Variants in CTNND2 observed in about 807,000 individuals in gnomAD.
CTNND2 encodes catenin delta 2, also known as catenin delta-2.
Under a neutral mutation model 144.4 loss-of-function variants are expected in CTNND2, and 22 were observed. The ratio of observed to expected loss-of-function variants is 0.15; its 90% CI spans 0.11 to 0.22. The LOEUF is 0.22. Among genes scored for constraint, CTNND2 ranks in the 10% least tolerant of loss-of-function variants. CTNND2 has a pLI of 1.00. For missense variants in CTNND2, 1,353 were observed against 1,618.8 expected, an observed-to-expected ratio of 0.84 and a Z score of 2.82; for synonymous variants, 751 against 695.6, an observed-to-expected ratio of 1.08 and a Z score of -1.25.
chr5:11,864,879 CTT>C (rs1795675333), intron 1 of CTNND2, among the ~76,000 whole-genome samples: 5 of 124,002 alleles, frequency 4.0e-5, no homozygotes, highest in South Asian at 5.3e-4. Context: ...TGTTCTTCTT[CTT>C]CCTTTTTTTT....
intron 2 of CTNND2, among the ~76,000 whole-genome samples, chr5:11,634,113 C>T (rs1296288128): frequency 6.6e-6 from 1 of 152,206 alleles, no homozygotes; most frequent in Non-Finnish European, 1.5e-5. Flanking sequence ...TTCCCCAACT[C>T]TTGAGCATTT....
intron 10 of CTNND2, among the ~76,000 whole-genome samples, chr5:11,226,126 G>C (rs1391881069): frequency 6.6e-6 from 1 of 152,190 alleles, no homozygotes; most frequent in African/African-American, 2.4e-5. Flanking sequence ...AGCATCGTGA[G>C]AGAACAGATT....
intron 2 of CTNND2, among the ~76,000 whole-genome samples, chr5:11,693,836 G>A (rs867628816): frequency 6.6e-6 from 1 of 152,148 alleles, no homozygotes; most frequent in Non-Finnish European, 1.5e-5. Flanking sequence ...CTGAGCTATC[G>A]CTCCTAGGAG....
chr5:11,429,902 T>C (rs927519335), intron 3 of CTNND2, among the ~76,000 whole-genome samples: 10 of 152,172 alleles, frequency 6.6e-5, no homozygotes, highest in African/African-American at 1.9e-4. Context: ...AAAACAAATG[T>C]AATTTTTGTT....
In CTNND2 at chr5:10,981,838, T is replaced by C. The variant is rs1325411951; in HGVS notation, c.3352A>G (p.Thr1118Ala). ...SRKDAMTAQN[T>A]GISTLYRNSY... ...TTCCTATACAAAGTTGAAATTCCAG[T>C]GTTTTGAGCTAAAAGCAAAAGGAAA... is the stretch of plus-strand genomic sequence containing the variant. The change falls in exon 21 of 22, where the codon ACT (threonine) becomes GCT (alanine). Residue 1118 changes from threonine to alanine, a missense_variant. Transcript: ENST00000304623. 1.2e-6 allele frequency: 2 copies of C among 1,613,628 alleles called. No individual in the cohort carries two copies. The highest frequency in any genetic ancestry group is 1.6e-4 in the Middle Eastern group (1 of 6,062).
intron 5 of CTNND2, among the ~76,000 whole-genome samples, chr5:11,399,065 G>A (rs756478224): frequency 4.6e-5 from 7 of 152,212 alleles, no homozygotes; most frequent in South Asian, 4.1e-4. Context: ...TTGTCCCTCC[G>A]AAGGTCACAT....
At chr5:11,691,358 C>T (rs34879996) in intron 2 of CTNND2, among the ~76,000 whole-genome samples, 9,282 of 148,494 alleles carry the variant, frequency 0.063, 414 homozygotes, top group South Asian at 0.1. Flanking sequence ...GGCGACAGAG[C>T]GAGACTCTGT....
chr5:11,457,872 C>T (rs941520401), intron 3 of CTNND2, among the ~76,000 whole-genome samples: 1 of 152,296 alleles, frequency 6.6e-6, no homozygotes, highest in Admixed American at 6.5e-5. Flanking sequence ...GCAACCCCTT[C>T]TATTCCTAAC....
intron 3 of CTNND2, among the ~76,000 whole-genome samples, chr5:11,460,684 A>T (rs1471914888): frequency 6.6e-6 from 1 of 152,108 alleles, no homozygotes; most frequent in Non-Finnish European, 1.5e-5. Context: ...TGCCTCAGAT[A>T]CAGCTCACTC....
chr5:11,316,636 C>A (rs963381494), intron 9 of CTNND2, among the ~76,000 whole-genome samples: 6 of 139,256 alleles, frequency 4.3e-5, no homozygotes, highest in African/African-American at 1.6e-4. Flanking sequence ...TGCTATCCCT[C>A]CCCCTTCCCC....
intron 2 of CTNND2, among the ~76,000 whole-genome samples, chr5:11,705,390 G>A (rs200578181): frequency 1.3e-5 from 2 of 152,088 alleles, no homozygotes; most frequent in African/African-American, 2.4e-5. Flanking sequence ...TAATATAAGT[G>A]GAAAAAGCAA....
At chr5:11,550,831 T>C (rs1044140815) in intron 3 of CTNND2, among the ~76,000 whole-genome samples, 2 of 152,240 alleles carry the variant, frequency 1.3e-5, no homozygotes, top group Admixed American at 6.5e-5. Context: ...AGAATGGTTG[T>C]GGTAAAAGTT....
At chr5:11,482,999 A>T (rs1561458401) in intron 3 of CTNND2, among the ~76,000 whole-genome samples, 1 of 151,984 alleles carries the variant, frequency 6.6e-6, no homozygotes, top group Non-Finnish European at 1.5e-5. Flanking sequence ...ATTGAAAACC[A>T]CAGAGAGGCA....
chr5:11,612,806 G>A (rs550020320), intron 2 of CTNND2, among the ~76,000 whole-genome samples: 15 of 152,154 alleles, frequency 9.9e-5, no homozygotes, highest in African/African-American at 3.4e-4. Context: ...AGGTTAAGGC[G>A]GGAGGATCAC....
intron 9 of CTNND2, among the ~76,000 whole-genome samples, chr5:11,344,847 C>T (rs565657295): frequency 1.1e-3 from 174 of 152,008 alleles, no homozygotes; most frequent in African/African-American, 3.8e-3. Context: ...GGAAAGGATA[C>T]GCCATTTAAT....
At chr5:11,043,772 G>A (rs1403841560) in intron 16 of CTNND2, among the ~76,000 whole-genome samples, 1 of 152,140 alleles carries the variant, frequency 6.6e-6, no homozygotes, top group Non-Finnish European at 1.5e-5. Context: ...TTTCTTTATT[G>A]AGATGGGATT....
chr5:11,109,003 TCTGCTGTCATAAAGCC>T (rs111835284), intron 14 of CTNND2, among the ~76,000 whole-genome samples: 4 of 152,312 alleles, frequency 2.6e-5, no homozygotes, highest in African/African-American at 9.6e-5. Context: ...GCAGTGACAG[TCTGCTGTCATAAAGCC>T]CTGCTGAGGG....
intron 2 of CTNND2, among the ~76,000 whole-genome samples, chr5:11,702,840 G>T (rs571936171): frequency 6.6e-6 from 1 of 152,246 alleles, no homozygotes; most frequent in South Asian, 2.1e-4. Flanking sequence ...ATCTCTGCAG[G>T]TGCAAACCAA....
intron 10 of CTNND2, among the ~76,000 whole-genome samples, chr5:11,231,588 G>A (rs1168647168): frequency 6.6e-6 from 1 of 152,174 alleles, no homozygotes; most frequent in African/African-American, 2.4e-5. Flanking sequence ...AACTGAGAGA[G>A]ATGATTTAGG....
Sources: allele counts gnomAD v4.1 joint callset (sites outside exome capture counted in the v4.1 genomes callset), GRCh38; gene constraint gnomAD v4.1.1; transcripts MANE v1.5; gene names NCBI Gene and HGNC (gene_info 2026-07-23, HGNC 2026-07-21).